HSD17B12: variants seen among roughly 807,000 people sequenced by gnomAD.
The protein encoded by HSD17B12 is hydroxysteroid 17-beta dehydrogenase 12.
Under a neutral mutation model 39.3 loss-of-function variants are expected in HSD17B12, and 32 were observed. The observed-to-expected ratio is 0.81, with a 90% CI of 0.61 to 1.09. The LOEUF (loss-of-function observed/expected upper bound fraction) is 1.09. HSD17B12 is among the 50% of genes least tolerant of loss of function. The pLI is 0.00. For synonymous variants in HSD17B12, 150 were observed against 146.7 expected, an observed-to-expected ratio of 1.02 and a Z score of -0.16; for missense variants, 342 against 382.9, an observed-to-expected ratio of 0.89 and a Z score of 0.89.
the HSD17B12 span, among the ~76,000 whole-genome samples, chr11:43,610,696 G>C: frequency 6.6e-6 from 1 of 152,160 alleles, no homozygotes; most frequent in South Asian, 2.1e-4. Flanking sequence ...ACTTTGCAGG[G>C]AACCATGAGC....
intron 4 of HSD17B12, among the ~76,000 whole-genome samples, chr11:43,810,805 C>T (rs763689049): frequency 6.6e-6 from 1 of 152,024 alleles, no homozygotes; most frequent in Non-Finnish European, 1.5e-5. Context: ...TGTTGTTACA[C>T]AATAAAAAGG....
chr11:43,765,081 A>G (rs893809998), intron 3 of HSD17B12, among the ~76,000 whole-genome samples: 5 of 148,928 alleles, frequency 3.4e-5, no homozygotes, highest in Admixed American at 6.7e-5. Context: ...TCTTTCTTTT[A>G]AAAGTCTTAT....
At chr11:43,746,518 T>C (rs891699813) in intron 1 of HSD17B12, among the ~76,000 whole-genome samples, 4 of 152,174 alleles carry the variant, frequency 2.6e-5, no homozygotes, top group Non-Finnish European at 4.4e-5. Context: ...ATCACACACA[T>C]AGAGCTGCCA....
intron 4 of HSD17B12, among the ~76,000 whole-genome samples, chr11:43,808,424 T>C (rs953803588): frequency 1.1e-4 from 16 of 152,196 alleles, no homozygotes; most frequent in African/African-American, 3.9e-4. Context: ...CTAGAATTCA[T>C]ATTTATTTCT....
chr11:43,609,739 G>A, the HSD17B12 span, among the ~76,000 whole-genome samples: 4 of 152,278 alleles, frequency 2.6e-5, no homozygotes, highest in African/African-American at 9.6e-5. Flanking sequence ...AAGAGCCATA[G>A]ATTCTAATCC....
intron 6 of HSD17B12, among the ~76,000 whole-genome samples, chr11:43,827,377 A>G (rs1156620229): frequency 3.9e-5 from 6 of 152,210 alleles, no homozygotes; most frequent in Non-Finnish European, 8.8e-5. Context: ...TAATTTGCTT[A>G]TATTGTATCA....
At chr11:43,705,758 CCTCTTTTT>C (rs1950007978) in intron 1 of HSD17B12, among the ~76,000 whole-genome samples, 1 of 104,764 alleles carries the variant, frequency 9.5e-6, no homozygotes, top group African/African-American at 3.5e-5. Context: ...TTTCCTCTCT[CCTCTTTTT>C]TTTTTTTTTT....
the HSD17B12 span, among the ~76,000 whole-genome samples, chr11:43,578,473 G>C: frequency 4.6e-5 from 7 of 152,122 alleles, no homozygotes; most frequent in Non-Finnish European, 8.8e-5. Flanking sequence ...TAGTAACAAG[G>C]GCTTTTACCG....
chr11:43,789,161 T>C (rs745582286), intron 3 of HSD17B12, among the ~76,000 whole-genome samples: 2 of 152,190 alleles, frequency 1.3e-5, no homozygotes, highest in Non-Finnish European at 1.5e-5. Context: ...TGTTACCTAG[T>C]AGGTAAAATA....
At chr11:43,633,270 G>A in the HSD17B12 span, among the ~76,000 whole-genome samples, 2 of 152,268 alleles carry the variant, frequency 1.3e-5, no homozygotes, top group Non-Finnish European at 2.9e-5. Flanking sequence ...GTTGGCTCCC[G>A]CCTGTAATCC....
chr11:43,855,129 A>T lies in HSD17B12; in HGVS notation c.835-15A>T. On this transcript the variant is annotated splice_polypyrimidine_tract_variant and intron_variant, in intron 10 of 10. Coordinates refer to ENST00000278353, the MANE Select transcript of HSD17B12 (RefSeq NM_016142.3). ...TAGGCTATAATTACATATCTCTCTC[A>T]TTCTGTTTCCCTAGGGCTCGATAAT... The T allele has an allele frequency of 6.5e-7, 1 of 1,527,094 alleles. No homozygotes were observed. Among genetic ancestry groups the T allele is most frequent in the South Asian group, 1.2e-5 (1 of 86,208 alleles). The allele number at this position is 1,527,094 out of a possible 1,614,324, so 94.6% of individuals were successfully genotyped here.
the HSD17B12 span, among the ~76,000 whole-genome samples, chr11:43,605,118 A>G: frequency 1.3e-5 from 2 of 152,218 alleles, no homozygotes; most frequent in Non-Finnish European, 1.5e-5. Flanking sequence ...AGGTCTAGGT[A>G]ACTAGAGATA....
At chr11:43,806,426 G>A (rs777587333) in intron 4 of HSD17B12, 2 of 152,008 alleles carry the variant, frequency 1.3e-5, no homozygotes, top group Non-Finnish European at 2.9e-5. Context: ...GCCAAAATAT[G>A]GAATCAGCCT....
chr11:43,838,225 T>G, intron 7 of HSD17B12, 92 bp from the exon 8 acceptor site: 1 of 874,064 alleles, frequency 1.1e-6, no homozygotes, highest in East Asian at 2.4e-5. Context: ...TACATTATTC[T>G]GTTTCGAATA....
At chr11:43,718,052 G>T (rs572563383) in intron 1 of HSD17B12, among the ~76,000 whole-genome samples, 1 of 151,956 alleles carries the variant, frequency 6.6e-6, no homozygotes, top group Non-Finnish European at 1.5e-5. Context: ...CAATCCACCC[G>T]CCTTGGCCTC....
chr11:43,634,199 C>T, the HSD17B12 span, among the ~76,000 whole-genome samples: 4 of 148,984 alleles, frequency 2.7e-5, no homozygotes, highest in South Asian at 4.3e-4. Context: ...AAAAAATAAC[C>T]TCAGATTGGT....
intron 3 of HSD17B12, among the ~76,000 whole-genome samples, chr11:43,792,880 A>T (rs886424248): frequency 3.3e-5 from 5 of 152,066 alleles, no homozygotes; most frequent in African/African-American, 1.2e-4. Flanking sequence ...TCTTACCAGC[A>T]TGTAAGAAAT....
chr11:43,802,631 A>G (rs1160784875), intron 4 of HSD17B12, among the ~76,000 whole-genome samples: 1 of 152,148 alleles, frequency 6.6e-6, no homozygotes, highest in Non-Finnish European at 1.5e-5. Context: ...ACCAAGGACA[A>G]TTTTGCAGTG....
At chr11:43,682,877 G>T (rs1318701120) in intron 1 of HSD17B12, among the ~76,000 whole-genome samples, 1 of 151,450 alleles carries the variant, frequency 6.6e-6, no homozygotes, top group Non-Finnish European at 1.5e-5. Context: ...CTGCAGCCTC[G>T]AACTCTTGGG....
Sources: gnomAD v4.1 joint callset for allele counts (sites outside exome capture counted in the v4.1 genomes callset) on GRCh38, gnomAD v4.1.1 for gene constraint, MANE v1.5 for transcripts, NCBI Gene and HGNC (gene_info 2026-07-23, HGNC 2026-07-21) for gene names.